NYAP2: variants seen among roughly 807,000 people sequenced by gnomAD.
The protein encoded by NYAP2 is neuronal tyrosine-phosphorylated phosphoinositide-3-kinase adaptor 2, also known as neuronal tyrosine-phosphorylated phosphoinositide-3-kinase adapter 2.
In NYAP2, 23 loss-of-function variants were observed where a neutral mutation model predicts 50.4. The ratio of observed to expected loss-of-function variants is 0.46; its 90% CI spans 0.33 to 0.65. NYAP2 has a LOEUF of 0.65. NYAP2 is among the 30% of genes least tolerant of loss of function. The pLI is 0.02. For missense variants in NYAP2, 885 were observed against 861.0 expected (o/e 1.03, Z -0.35); for synonymous variants, 394 against 365.2 (o/e 1.08, Z -0.90).
intron 4 of NYAP2, among the ~76,000 whole-genome samples, chr2:225,543,376 T>A (rs574492649): frequency 6.6e-6 from 1 of 152,108 alleles, no homozygotes; most frequent in Non-Finnish European, 1.5e-5. Flanking sequence ...TCTTTTTCTT[T>A]GATGTAGGTG....
intron 6 of NYAP2, among the ~76,000 whole-genome samples, chr2:225,648,409 T>C (rs1181413302): frequency 6.6e-6 from 1 of 152,074 alleles, no homozygotes; most frequent in Non-Finnish European, 1.5e-5. Flanking sequence ...TTCATGATAA[T>C]AAATATGGAA....
At chr2:225,699,124 G>C in the NYAP2 span, 1 of 151,812 alleles carries the variant, frequency 6.6e-6, no homozygotes, top group Non-Finnish European at 1.5e-5. Flanking sequence ...TGCTTAATTT[G>C]GACGTCCAAG....
At chr2:225,470,067 T>C (rs1342252083) in intron 3 of NYAP2, among the ~76,000 whole-genome samples, 3 of 152,186 alleles carry the variant, frequency 2.0e-5, no homozygotes, top group African/African-American at 7.2e-5. Context: ...GTTCTGGAGA[T>C]TTCACAATGA....
intron 2 of NYAP2, among the ~76,000 whole-genome samples, chr2:225,404,731 A>C (rs1012165778): frequency 6.6e-6 from 1 of 152,024 alleles, no homozygotes; most frequent in Admixed American, 6.6e-5. Flanking sequence ...ACAATTAACC[A>C]TACAGCTGTG....
chr2:225,451,638 A>G (rs1689654666), intron 3 of NYAP2, among the ~76,000 whole-genome samples: 1 of 152,220 alleles, frequency 6.6e-6, no homozygotes, highest in Non-Finnish European at 1.5e-5. Flanking sequence ...TCTATTTCAT[A>G]TTGATCACAA....
At chr2:225,419,080 T>C (rs1695171930) in intron 3 of NYAP2, among the ~76,000 whole-genome samples, 1 of 152,240 alleles carries the variant, frequency 6.6e-6, no homozygotes, top group Non-Finnish European at 1.5e-5. Context: ...TAGAGGTCTC[T>C]GCCTTTTGCG....
At chr2:225,430,980 T>A (rs752855730) in intron 3 of NYAP2, among the ~76,000 whole-genome samples, 27 of 152,188 alleles carry the variant, frequency 1.8e-4, no homozygotes, top group Non-Finnish European at 2.5e-4. Context: ...AAAATGTACA[T>A]TCAGAGAGAA....
intron 3 of NYAP2, among the ~76,000 whole-genome samples, chr2:225,498,750 T>C (rs1690550530): frequency 6.6e-6 from 1 of 152,122 alleles, no homozygotes; most frequent in African/African-American, 2.4e-5. Flanking sequence ...GTTGACAGTT[T>C]GAGTGTCTGT....
chr2:225,639,959 G>C (rs1413795015), intron 6 of NYAP2, among the ~76,000 whole-genome samples: 3 of 152,144 alleles, frequency 2.0e-5, no homozygotes, highest in African/African-American at 7.2e-5. Context: ...TAATTGAGGA[G>C]CTAAAAGGAG....
At chr2:225,616,273 C>T (rs759562478) in intron 5 of NYAP2, among the ~76,000 whole-genome samples, 1 of 152,140 alleles carries the variant, frequency 6.6e-6, no homozygotes, top group Admixed American at 6.6e-5. Context: ...ATTGACATAG[C>T]TGACCCCAAA....
chr2:225,643,254 A>G (rs1040540987), intron 6 of NYAP2, among the ~76,000 whole-genome samples: 3 of 151,758 alleles, frequency 2.0e-5, no homozygotes, highest in Non-Finnish European at 2.9e-5. Context: ...TGCCATAGAG[A>G]TTTTTCCAGG....
rs1022576044 is a variant in NYAP2 at position 225,619,230 on chromosome 2, G to C, written c.1619-7687G>C. Among the ~76,000 whole-genome samples, 3 of 152,298 alleles carry C rather than the reference G, an allele frequency of 2.0e-5. No homozygotes were observed. The East Asian group carries it at 5.8e-4, about 29-fold the overall frequency. On this transcript the variant is annotated intron_variant, in intron 5 of 6. Coordinates refer to ENST00000636099, the Ensembl canonical transcript of NYAP2. The stretch of plus-strand genomic sequence containing the variant: ...TTGGGGTTCAGGAACCTTGACTAAG[G>C]TTAAGTAGCAAATACATGGCATGGC...
chr2:225,516,088 G>C (rs769949723), intron 4 of NYAP2, among the ~76,000 whole-genome samples: 1 of 152,126 alleles, frequency 6.6e-6, no homozygotes, highest in Non-Finnish European at 1.5e-5. Flanking sequence ...GTGAAAGTAT[G>C]GAGAAAATCG....
At chr2:225,473,631 C>G (rs1163062914) in intron 3 of NYAP2, among the ~76,000 whole-genome samples, 2 of 152,170 alleles carry the variant, frequency 1.3e-5, no homozygotes, top group East Asian at 3.9e-4. Context: ...CTGTTCATAT[C>G]CTTTGCCCAC....
In NYAP2 at chr2:225,586,737, A is replaced by G. The variant is rs1692395538; in HGVS notation, c.1618+3702A>G. Among the ~76,000 whole-genome samples, 4 of 152,310 alleles carry G rather than the reference A, an allele frequency of 2.6e-5. No homozygotes were observed. In the South Asian group the frequency reaches 8.3e-4, roughly 32 times the overall value. On this transcript the variant is annotated intron_variant, in intron 5 of 6. Transcript: ENST00000636099. ...CAAATGGGCCATTTCATTTTAATAA[A>G]TCAGGTGCCATGAATCATAGAAATT...
At chr2:225,435,172 G>T (rs1300424886) in intron 3 of NYAP2, among the ~76,000 whole-genome samples, 1 of 152,076 alleles carries the variant, frequency 6.6e-6, no homozygotes, top group Non-Finnish European at 1.5e-5. Flanking sequence ...ATCCCAGACA[G>T]TTGCTATTTG....
At chr2:225,515,759 G>A (rs1429627416) in intron 4 of NYAP2, among the ~76,000 whole-genome samples, 1 of 152,094 alleles carries the variant, frequency 6.6e-6, no homozygotes, top group Non-Finnish European at 1.5e-5. Flanking sequence ...AGTCACCACT[G>A]TCCTACTTCT....
intron 5 of NYAP2, among the ~76,000 whole-genome samples, chr2:225,606,781 T>G (rs114551392): frequency 1.7e-4 from 26 of 152,254 alleles, no homozygotes; most frequent in African/African-American, 6.0e-4. Flanking sequence ...AAAGCCAAAT[T>G]CTCTTGAATA....
At chr2:225,662,547 C>A in the NYAP2 span, among the ~76,000 whole-genome samples, 20 of 152,364 alleles carry the variant, frequency 1.3e-4, no homozygotes, top group East Asian at 3.7e-3. Flanking sequence ...GAGGGGGGAA[C>A]CCCAACTGTA....
Sources: gnomAD v4.1 joint callset for allele counts (sites outside exome capture counted in the v4.1 genomes callset) on GRCh38, gnomAD v4.1.1 for gene constraint, MANE v1.5 for transcripts, NCBI Gene and HGNC (gene_info 2026-07-23, HGNC 2026-07-21) for gene names.